Variants in CDKL5 observed in about 807,000 individuals in gnomAD.
CDKL5 encodes cyclin-dependent kinase-like 5.
In CDKL5, 8 loss-of-function variants were observed where a neutral mutation model predicts 61.7. That is an observed-to-expected ratio of 0.13 (90% CI 0.08 to 0.23). The LOEUF (loss-of-function observed/expected upper bound fraction) is 0.23. CDKL5 is among the 10% of genes least tolerant of loss of function. CDKL5 has a pLI of 1.00. For synonymous variants in CDKL5, 275 were observed against 272.3 expected (o/e 1.01, Z -0.10); for missense variants, 440 against 734.5 (o/e 0.60, Z 4.63).
chrX:18,652,760 T>A (rs970743289), intron 21 of CDKL5, among the ~76,000 whole-genome samples: 1 of 112,654 alleles, frequency 8.9e-6, no homozygotes, highest in African/African-American at 3.2e-5. Flanking sequence ...GTTGCAGCTA[T>A]TAGACCTGTT....
At chrX:18,576,737 TAAGTTTC>T (rs767830259) in intron 5 of CDKL5, among the ~76,000 whole-genome samples, 1 of 111,069 alleles carries the variant, frequency 9.0e-6, no homozygotes, top group Non-Finnish European at 1.9e-5. Flanking sequence ...GAATCTGTTT[TAAGTTTC>T]TTTTTCTGTG....
Position 18,629,403 on chromosome X carries a change from A to G in CDKL5, c.*646A>G, listed in dbSNP as rs2147179682. On this transcript the variant is annotated 3_prime_UTR_variant, in exon 18 of 18. Coordinates refer to ENST00000623535, the MANE Select transcript of CDKL5 (RefSeq NM_001323289.2). ...GGGACAGCTACAGTAGTTTCTATAA[A>G]AACTAAACAGTAACATTTATATATT... The G allele has an allele frequency of 1.4e-6, 1 of 697,217 alleles. No individual in the cohort carries two copies. Among genetic ancestry groups the G allele is most frequent in the Non-Finnish European group, 1.7e-6 (1 of 587,783 alleles). The allele number at this position is 697,217 out of a possible 1,213,427, so 57.5% of individuals were successfully genotyped here. A position where few individuals can be genotyped will look rare whatever the true frequency, so the allele number is the denominator to read the frequency against.
chrX:18,567,740 C>A (rs1163145141), intron 4 of CDKL5, among the ~76,000 whole-genome samples: 2 of 111,369 alleles, frequency 1.8e-5, no homozygotes, highest in Non-Finnish European at 3.8e-5. Flanking sequence ...AAAAAATTAG[C>A]CAGGCATGGT....
intron 3 of CDKL5, among the ~76,000 whole-genome samples, chrX:18,555,008 T>C (rs1032615385): frequency 9.0e-6 from 1 of 111,404 alleles, no homozygotes; most frequent in Non-Finnish European, 1.9e-5. Flanking sequence ...GTTACGTAGG[T>C]ATACACGTGC....
At chrX:18,503,659 C>T (rs757897429) in intron 1 of CDKL5, among the ~76,000 whole-genome samples, 14 of 112,008 alleles carry the variant, frequency 1.2e-4, no homozygotes, top group Admixed American at 2.8e-4. Flanking sequence ...ATTCTGTTTT[C>T]GTTTCCCTCT....
rs772442155 is a variant in CDKL5, at chrX:18,646,642, G to A, written c.2797+552G>A. On this transcript the variant is annotated intron_variant, in intron 20 of 21. Transcript: ENST00000379989. ...TAAGGTCCTGCACCATCTGACCTCC[G>A]CTTGCCTCTCCACCTTGTCTCACTT... 4.5e-5 allele frequency among the ~76,000 whole-genome samples: 5 copies of A among 111,462 alleles called. 1 individual carries two copies. The South Asian group carries it at 1.5e-3, about 34-fold the overall frequency.
chrX:18,509,238 CACACA>C lies in CDKL5; in HGVS notation c.65-1581_65-1577del, dbSNP rs1922731652. 4.6e-5 allele frequency among the ~76,000 whole-genome samples: 5 copies of C among 107,669 alleles called. No individual in the cohort carries two copies. In the South Asian group the frequency reaches 1.2e-3, roughly 27 times the overall value. The allele number at this position is 107,669 out of a possible 115,157, so 93.5% of individuals were successfully genotyped here. ...ACACACACACACACACACACACACA[CACACA>C]CACCCCTGTCAAGCAAACTCTGCAT... On this transcript the variant is annotated intron_variant, in intron 2 of 17. Coordinates refer to ENST00000623535, the MANE Select transcript of CDKL5 (RefSeq NM_001323289.2).
At chrX:18,429,455 T>C (rs1931435476) in intron 1 of CDKL5, among the ~76,000 whole-genome samples, 1 of 111,703 alleles carries the variant, frequency 9.0e-6, no homozygotes, top group Non-Finnish European at 1.9e-5. Context: ...TCACAACAGC[T>C]CTATGAAGTA....
rs182732607 is a variant in CDKL5, at chrX:18,621,303, G to T, written c.2376+1337G>T. 1.4e-4 allele frequency among the ~76,000 whole-genome samples: 16 copies of T among 112,014 alleles called. No homozygotes were observed. The East Asian group carries it at 4.2e-3, about 29-fold the overall frequency. ...AAGTAAGCATTTTTATCTCACAGATGTTCTAGAAATGTTAACAAATACCTT... is the reference window on the plus strand; with the variant it reads ...AAGTAAGCATTTTTATCTCACAGATTTTCTAGAAATGTTAACAAATACCTT... On this transcript the variant is annotated intron_variant, in intron 16 of 17. Transcript: ENST00000623535.
rs1156639759 is a variant in CDKL5 at position 18,629,465 on chromosome X, ATATG to A, written c.*709_*712del. On this transcript the variant is annotated 3_prime_UTR_variant, in exon 18 of 18. Transcript: ENST00000623535. ...ATTTTATTCTATATATAATATATAT[ATATG>A]GTAAATATCTGTTTTATAAATATAT... 3.9e-6 allele frequency: 2 copies of A among 508,691 alleles called. No homozygotes were observed. Among genetic ancestry groups the A allele is most frequent in the African/African-American group, 5.2e-5 (2 of 38,116 alleles). 41.9% of individuals were successfully genotyped at this position (508,691 alleles called of 1,213,427 possible). A position where few individuals can be genotyped will look rare whatever the true frequency, so the allele number is the denominator to read the frequency against.
chrX:18,454,500 G>T (rs1042083918), intron 1 of CDKL5, among the ~76,000 whole-genome samples: 1 of 108,258 alleles, frequency 9.2e-6, no homozygotes, highest in Non-Finnish European at 1.9e-5. Flanking sequence ...CTCCCAAAGT[G>T]CTGGGATTAC....
At position 18,425,668 on chromosome X, in the gene CDKL5, C is replaced by A. The variant is rs1602181977; in HGVS notation, c.-190C>A. 1 of 112,278 alleles carries A rather than the reference C, an allele frequency of 8.9e-6. No individual in the cohort carries two copies. The highest frequency in any genetic ancestry group is 1.9e-5 in the Non-Finnish European group (1 of 53,135). 9.3% of individuals were successfully genotyped at this position (112,278 alleles called of 1,213,427 possible). A position where few individuals can be genotyped will look rare whatever the true frequency, so the allele number is the denominator to read the frequency against. On this transcript the variant is annotated 5_prime_UTR_variant, in exon 1 of 18. Transcript: ENST00000623535. ...CGGCGTCCTCAGGAGCTGTGGGGTC[C>A]CCTGCTAGAAGTGGGGGACTCGGCG...
intron 8 of CDKL5, chrX:18,587,557 C>T: frequency 5.9e-6 from 1 of 170,786 alleles, no homozygotes; most frequent in Non-Finnish European, 1.1e-5. Flanking sequence ...TAAGATGTAT[C>T]TTTTTGACAT....
chrX:18,652,115 C>A (rs1029847117), intron 21 of CDKL5, among the ~76,000 whole-genome samples: 1 of 111,187 alleles, frequency 9.0e-6, no homozygotes, highest in Non-Finnish European at 1.9e-5. Context: ...CCCATTCTCC[C>A]CCTAGCTGAG....
chrX:18,533,332 A>G (rs1193060056), intron 3 of CDKL5, among the ~76,000 whole-genome samples: 1 of 111,374 alleles, frequency 9.0e-6, no homozygotes, highest in African/African-American at 3.3e-5. Context: ...ATGGATAAAG[A>G]CTAGCAGGTC....
At chrX:18,609,267 G>C (rs1164917538) in intron 13 of CDKL5, among the ~76,000 whole-genome samples, 198 bp from the exon 14 acceptor site, 2 of 110,660 alleles carry the variant, frequency 1.8e-5, no homozygotes, top group Non-Finnish European at 3.8e-5. Context: ...AGCAGCGTGT[G>C]CCTGTAGTCC....
chrX:18,518,191 A>G lies in CDKL5; in HGVS notation c.99+7337A>G, dbSNP rs199543683. Among the ~76,000 whole-genome samples, 7 of 108,783 alleles carry G rather than the reference A, an allele frequency of 6.4e-5. No homozygotes were observed. The East Asian group carries it at 2.0e-3, about 31-fold the overall frequency. 94.5% of individuals were successfully genotyped at this position (108,783 alleles called of 115,157 possible). A position where few individuals can be genotyped will look rare whatever the true frequency, so the allele number is the denominator to read the frequency against. ...TTTTTAAAGTTACTTCCTATACTTA[A>G]AACACTGTGTTCTAGGCATGACATC... On this transcript the variant is annotated intron_variant, in intron 3 of 17. Coordinates refer to ENST00000623535, the MANE Select transcript of CDKL5 (RefSeq NM_001323289.2).
intron 7 of CDKL5, 93 bp downstream of exon 7, chrX:18,582,043 A>G: frequency 1.5e-6 from 1 of 682,445 alleles, no homozygotes; most frequent in Non-Finnish European, 2.3e-6. Context: ...AGTAATTGTT[A>G]TGTTTTGACT....
chrX:18,492,609 TG>T (rs904402047), intron 1 of CDKL5, among the ~76,000 whole-genome samples: 34 of 111,290 alleles, frequency 3.1e-4, no homozygotes, highest in Non-Finnish European at 3.2e-4. Flanking sequence ...AAGTTATCCT[TG>T]CCTCCTCTTT....
Sources: allele counts gnomAD v4.1 joint callset (sites outside exome capture counted in the v4.1 genomes callset), GRCh38; gene constraint gnomAD v4.1.1; transcripts MANE v1.5; gene names NCBI Gene and HGNC (gene_info 2026-07-23, HGNC 2026-07-21).